PPA2: variants seen among roughly 807,000 people sequenced by gnomAD.
PPA2 encodes inorganic pyrophosphatase 2, mitochondrial.
In PPA2, 48 loss-of-function variants were observed where a neutral mutation model predicts 49.5. The observed-to-expected ratio is 0.97, with a 90% confidence interval of 0.77 to 1.23. The LOEUF (loss-of-function observed/expected upper bound fraction) is 1.23. PPA2 is among the 50% of genes most tolerant of loss of function. PPA2 has a pLI of 0.00. For synonymous variants in PPA2, 131 were observed against 139.9 expected (o/e 0.94, Z 0.45); for missense variants, 429 against 410.1 (o/e 1.05, Z -0.40).
chr4:105,377,195 A>G (rs1733290505), intron 10 of PPA2, among the ~76,000 whole-genome samples: 1 of 152,194 alleles, frequency 6.6e-6, no homozygotes, highest in Admixed American at 6.5e-5. Context: ...GAATGGGTCA[A>G]CTCATAAAGG....
At chr4:105,464,502 G>A (rs1391247336) in intron 1 of PPA2, among the ~76,000 whole-genome samples, 10 of 152,164 alleles carry the variant, frequency 6.6e-5, no homozygotes, top group Non-Finnish European at 1.2e-4. Flanking sequence ...GGGAAGGCAT[G>A]TTGGTTTTGA....
At chr4:105,473,146 CAG>C (rs761184521) in intron 1 of PPA2, among the ~76,000 whole-genome samples, 49 of 152,316 alleles carry the variant, frequency 3.2e-4, no homozygotes, top group Admixed American at 1.2e-3. Context: ...TTAACGTACA[CAG>C]TGAAACAATG....
At chr4:105,449,518 G>A (rs1722576910) in intron 3 of PPA2, 115 bp from the exon 4 acceptor site, 2 of 607,336 alleles carry the variant, frequency 3.3e-6, no homozygotes, top group African/African-American at 3.8e-5. Flanking sequence ...AAAATGTTGA[G>A]TCTCCATCAT....
At chr4:105,411,439 T>G (rs1048965647) in intron 7 of PPA2, among the ~76,000 whole-genome samples, 4 of 152,120 alleles carry the variant, frequency 2.6e-5, no homozygotes, top group Non-Finnish European at 5.9e-5. Context: ...CAAAGAGGTC[T>G]CAAAATAATA....
chr4:105,435,509 T>G (rs1435918332), intron 6 of PPA2, among the ~76,000 whole-genome samples: 1 of 152,148 alleles, frequency 6.6e-6, no homozygotes, highest in African/African-American at 2.4e-5. Flanking sequence ...AAAAAACTAC[T>G]ACTAAACCTA....
Position 105,396,324 on chromosome 4 carries a change from A to G in PPA2, c.794T>C (p.Leu265Pro), listed in dbSNP as rs1338266981. 2.5e-6 allele frequency: 4 copies of G among 1,594,422 alleles called. No individual in the cohort carries two copies. The highest frequency in any genetic ancestry group is 8.5e-7 in the Non-Finnish European group (1 of 1,171,190). ...NGEFKNKAFA[L>P]EVIKSTHQCW... is the part of the protein sequence containing the mutation. ...TTGATGAGTGGATTTAATAACTTCA[A>G]GAGCAAAAGCCTAGCTCCAAACAAA... The change falls in exon 9 of 12, where the codon CTT becomes CCT. Residue 265 changes from leucine to proline, a missense_variant. Leu to Pro is a moderately conservative substitution (Grantham distance 98, BLOSUM62 -3). Transcript: ENST00000341695.
chr4:105,453,498 G>A, intron 3 of PPA2, 100 bp downstream of exon 3: 1 of 858,598 alleles, frequency 1.2e-6, no homozygotes, highest in Non-Finnish European at 1.7e-6. Flanking sequence ...GTCTTGCAGG[G>A]GTAAAAACCT....
chr4:105,469,190 T>C (rs1723426107), intron 1 of PPA2, among the ~76,000 whole-genome samples: 1 of 152,226 alleles, frequency 6.6e-6, no homozygotes, highest in African/African-American at 2.4e-5. Context: ...TGTGTCATTT[T>C]TGCCATGGTA....
At chr4:105,399,218 T>A in intron 7 of PPA2, 54 bp from the exon 8 acceptor site, 1 of 1,534,520 alleles carries the variant, frequency 6.5e-7, no homozygotes, top group South Asian at 1.2e-5. Context: ...TTAATTCCCT[T>A]TAGTGGCAGA....
chr4:105,402,481 G>A (rs1225791774), intron 7 of PPA2, among the ~76,000 whole-genome samples: 1 of 152,166 alleles, frequency 6.6e-6, no homozygotes, highest in Non-Finnish European at 1.5e-5. Context: ...AGTCTGGGAG[G>A]AAGACAGTAA....
At chr4:105,379,530 CCT>C (rs1333749437) in intron 10 of PPA2, among the ~76,000 whole-genome samples, 1 of 151,906 alleles carries the variant, frequency 6.6e-6, no homozygotes, top group Non-Finnish European at 1.5e-5. Context: ...ATGGCATGAT[CCT>C]GACTCACTGT....
chr4:105,385,839 T>C (rs1225344342), intron 10 of PPA2, among the ~76,000 whole-genome samples: 1 of 151,886 alleles, frequency 6.6e-6, no homozygotes, highest in Non-Finnish European at 1.5e-5. Context: ...ACCAATTTTA[T>C]TTTTCTTAAG....
intron 4 of PPA2, among the ~76,000 whole-genome samples, chr4:105,448,871 T>C (rs1370915589): frequency 6.6e-6 from 1 of 152,134 alleles, no homozygotes; most frequent in Non-Finnish European, 1.5e-5. Context: ...AAAAACTCTC[T>C]ATAAAACTAT....
chr4:105,415,462 AC>A (rs1265554637), intron 7 of PPA2, among the ~76,000 whole-genome samples: 2 of 152,190 alleles, frequency 1.3e-5, no homozygotes, highest in African/African-American at 4.8e-5. Context: ...TTGCAACAGC[AC>A]CCAGGATCGG....
At chr4:105,378,409 A>T (rs1288971013) in intron 10 of PPA2, among the ~76,000 whole-genome samples, 1 of 152,068 alleles carries the variant, frequency 6.6e-6, no homozygotes, top group Non-Finnish European at 1.5e-5. Context: ...CCATTTACAG[A>T]GCCATATTTT....
chr4:105,437,097 C>T (rs948499781), intron 6 of PPA2, among the ~76,000 whole-genome samples: 1 of 151,940 alleles, frequency 6.6e-6, no homozygotes, highest in African/African-American at 2.4e-5. Context: ...ACTCAAACAA[C>T]TCAACAAGAA....
intron 7 of PPA2, among the ~76,000 whole-genome samples, chr4:105,403,011 T>TC (rs1722289060): frequency 6.8e-6 from 1 of 148,098 alleles, no homozygotes; most frequent in Admixed American, 6.6e-5. Flanking sequence ...TCTTTCTTTC[T>TC]TTCTCTCTCT....
chr4:105,451,609 C>T (rs1722681544), intron 3 of PPA2, among the ~76,000 whole-genome samples: 1 of 152,178 alleles, frequency 6.6e-6, no homozygotes. Context: ...ATTTATTCAT[C>T]CCTGAAAGCC....
At position 105,438,005 on chromosome 4, in the gene PPA2, C is replaced by T. The variant is rs755844015; in HGVS notation, c.473G>A (p.Ser158Asn). Residue 158 changes from serine to asparagine, a missense_variant, in exon 6 of 12, where the codon AGC becomes AAC. Ser to Asn is a conservative substitution (Grantham distance 46). Transcript: ENST00000341695. ...ATCATTATCTCCAAAGCAGTTCGTG[C>T]TCTTATCTTTTTCATGGGGATCTTC... ...TWEDPHEKDK[S>N]TNCFGDNDPI... The T allele has an allele frequency of 6.8e-6, 11 of 1,606,490 alleles. No individual in the cohort carries two copies. Among genetic ancestry groups the T allele is most frequent in the South Asian group, 5.6e-5 (5 of 88,830 alleles).
Sources: gnomAD v4.1 joint callset for allele counts (sites outside exome capture counted in the v4.1 genomes callset) on GRCh38, gnomAD v4.1.1 for gene constraint, MANE v1.5 for transcripts, NCBI Gene and HGNC (gene_info 2026-07-23, HGNC 2026-07-21) for gene names.